VWF: variants seen among roughly 807,000 people sequenced by gnomAD.
VWF encodes von Willebrand factor, also known as Factor VIII related antigen.
VWF carries 176 observed loss-of-function variants against 308.6 expected under a neutral mutation model. The ratio of observed to expected loss-of-function variants is 0.57; its 90% CI spans 0.50 to 0.65. The LOEUF is 0.65. Ranked by LOEUF, VWF falls within the 30% of genes least tolerant of loss-of-function variation. The pLI is 0.00. For missense variants in VWF, 3,146 were observed against 3,648.2 expected, an observed-to-expected ratio of 0.86 and a Z score of 3.55; for synonymous variants, 1,385 against 1,443.4, an observed-to-expected ratio of 0.96 and a Z score of 0.92.
intron 16 of VWF, among the ~76,000 whole-genome samples, chr12:6,048,931 A>T (rs1944477519): frequency 6.6e-6 from 1 of 152,186 alleles, no homozygotes; most frequent in South Asian, 2.1e-4. Flanking sequence ...CGCCCCCGTA[A>T]ATGTCATGTT....
At chr12:5,998,488 AAAAAAAAAAAATATATATATATATAT>A (rs1476001701) in intron 34 of VWF, among the ~76,000 whole-genome samples, 1 of 47,098 alleles carries the variant, frequency 2.1e-5, no homozygotes, top group East Asian at 1.0e-3. Context: ...AAAAAAAAAA[AAAAAAAAAAAATATATATATATATAT>A]ATATATATAT....
At chr12:6,092,626 T>TGA (rs1242670462) in intron 6 of VWF, among the ~76,000 whole-genome samples, 35 of 83,528 alleles carry the variant, frequency 4.2e-4, no homozygotes, top group Non-Finnish European at 6.9e-4. Flanking sequence ...AGAGTGTGTG[T>TGA]GTGTGTGTGT....
At chr12:6,001,332 T>C (rs904095374) in intron 34 of VWF, among the ~76,000 whole-genome samples, 1 of 152,136 alleles carries the variant, frequency 6.6e-6, no homozygotes, top group Non-Finnish European at 1.5e-5. Context: ...ACTTGTCTAC[T>C]AAAACAAAAA....
At chr12:6,086,099 A>C (rs1944969027) in intron 6 of VWF, among the ~76,000 whole-genome samples, 1 of 152,138 alleles carries the variant, frequency 6.6e-6, no homozygotes, top group Non-Finnish European at 1.5e-5. Flanking sequence ...GTGCCTATCC[A>C]TGGGGGGTTC....
intron 42 of VWF, among the ~76,000 whole-genome samples, chr12:5,980,479 A>G (rs1335402099): frequency 6.6e-6 from 1 of 152,220 alleles, no homozygotes; most frequent in African/African-American, 2.4e-5. Flanking sequence ...GACATTCTAC[A>G]GGACAAATGA....
chr12:6,106,529 C>T (rs1591921866), intron 5 of VWF, among the ~76,000 whole-genome samples: 1 of 152,104 alleles, frequency 6.6e-6, no homozygotes, highest in Non-Finnish European at 1.5e-5. Context: ...GGTTGTACAA[C>T]TACATGAATG....
chr12:6,020,111 C>T lies in VWF; in HGVS notation c.3675-368G>A, dbSNP rs538233649. Among the ~76,000 whole-genome samples the T allele has an allele frequency of 2.0e-5, 3 of 152,332 alleles. No individual in the cohort carries two copies. The highest frequency in any genetic ancestry group is 4.8e-5 in the African/African-American group (2 of 41,574). ...CATGAATACTTAATTATAATCCAAG[C>T]CTTCTTACAAGTGTCTCCAAGAACA... On this transcript the variant is annotated intron_variant, in intron 27 of 51. Transcript: ENST00000261405. This position sits in a 1 kb window ranked among gnomAD's most constrained non-coding sequence, Gnocchi z 4.3.
At chr12:5,974,438 A>G (rs1943510547) in intron 43 of VWF, among the ~76,000 whole-genome samples, 1 of 151,982 alleles carries the variant, frequency 6.6e-6, no homozygotes, top group African/African-American at 2.4e-5. Context: ...TTCTTTTTGA[A>G]ACTTCCCCCA....
rs569743117 is a variant in VWF at position 5,970,856 on chromosome 12, G to T, written c.7548+743C>A. On this transcript the variant is annotated intron_variant, in intron 44 of 51. Transcript: ENST00000261405. ...CCAGCTCCCAAGGCTGCCAGGACTTGGCACCACCCACCTTATCCTTCTGAC... is the reference window on the plus strand; with the variant it reads ...CCAGCTCCCAAGGCTGCCAGGACTTTGCACCACCCACCTTATCCTTCTGAC... Among the ~76,000 whole-genome samples, 137 of 152,360 alleles carry T rather than the reference G, an allele frequency of 9.0e-4. 3 individuals carry two copies. In the South Asian group the frequency reaches 0.025, roughly 28 times the overall value.
At chr12:6,027,414 T>C (rs216314) in intron 22 of VWF, among the ~76,000 whole-genome samples, 139,840 of 152,198 alleles carry the variant, frequency 0.92, 64,383 homozygotes, top group African/African-American at 0.96. Flanking sequence ...GTAACATTCC[T>C]GCTAGGATAT....
chr12:6,041,001 C>T (rs1311086710), intron 18 of VWF, among the ~76,000 whole-genome samples: 2 of 151,998 alleles, frequency 1.3e-5, no homozygotes, highest in East Asian at 3.8e-4. Flanking sequence ...CCTGTGAGGA[C>T]GCAAGCACAG....
At chr12:6,092,622 T>TGTGTGA (rs1555073733) in intron 6 of VWF, among the ~76,000 whole-genome samples, 2 of 91,492 alleles carry the variant, frequency 2.2e-5, no homozygotes, top group African/African-American at 5.3e-5. Flanking sequence ...AGTGAGAGTG[T>TGTGTGA]GTGTGTGTGT....
chr12:6,028,295 C>A (rs1944217988), intron 22 of VWF, among the ~76,000 whole-genome samples: 2 of 152,134 alleles, frequency 1.3e-5, no homozygotes, highest in African/African-American at 4.8e-5. Flanking sequence ...TAAGGAAACA[C>A]CCTAGAATAG....
In VWF at chr12:6,024,916, G is replaced by A. The variant is rs1250423893; in HGVS notation, c.3222+664C>T. ...CAGGTGCCTGTAATCCCAGGTACTCGGGAGGTTGAGGCAGGAGAATCGCTT... is the reference window on the plus strand; with the variant it reads ...CAGGTGCCTGTAATCCCAGGTACTCAGGAGGTTGAGGCAGGAGAATCGCTT... On this transcript the variant is annotated intron_variant, in intron 24 of 51. Coordinates refer to ENST00000261405, the MANE Select transcript of VWF (RefSeq NM_000552.5). The surrounding 1 kb of genome is among the most constrained non-coding windows in gnomAD (Gnocchi z 4.0). Among the ~76,000 whole-genome samples the A allele has an allele frequency of 5.3e-5, 8 of 151,978 alleles. No individual in the cohort carries two copies. Among genetic ancestry groups the A allele is most frequent in the East Asian group, 1.9e-4 (1 of 5,190 alleles).
intron 42 of VWF, among the ~76,000 whole-genome samples, chr12:5,980,652 C>T (rs995134656): frequency 3.3e-5 from 5 of 152,192 alleles, no homozygotes; most frequent in African/African-American, 1.2e-4. Flanking sequence ...GCAACTGTAG[C>T]CTCCTAGACT....
intron 34 of VWF, among the ~76,000 whole-genome samples, chr12:5,998,501 A>ATATATATATATG (rs1471195442): frequency 1.0e-3 from 24 of 24,066 alleles, no homozygotes; most frequent in African/African-American, 3.7e-3. Context: ...AAAAAAAAAT[A>ATATATATATATG]TATATATATA....
intron 6 of VWF, among the ~76,000 whole-genome samples, chr12:6,078,375 G>C (rs528603415): frequency 6.6e-6 from 1 of 152,300 alleles, no homozygotes; most frequent in African/African-American, 2.4e-5. Context: ...CATCCTCACT[G>C]CCAAGTTGGG....
intron 34 of VWF, among the ~76,000 whole-genome samples, chr12:5,996,775 G>T (rs1291259056): frequency 1.3e-5 from 2 of 149,918 alleles, no homozygotes; most frequent in Non-Finnish European, 3.0e-5. Flanking sequence ...AAAAAAAATG[G>T]TTGAGTCTCA....
At chr12:6,109,308 CAT>C (rs776043967) in intron 5 of VWF, among the ~76,000 whole-genome samples, 2 of 150,032 alleles carry the variant, frequency 1.3e-5, no homozygotes, top group Non-Finnish European at 2.9e-5. Context: ...TATATACACA[CAT>C]ATACAGTATA....
Sources: gnomAD v4.1 joint callset for allele counts (sites outside exome capture counted in the v4.1 genomes callset) on GRCh38, gnomAD v4.1.1 for gene constraint, Gnocchi (gnomAD v3.1) non-coding constraint, MANE v1.5 for transcripts, NCBI Gene and HGNC (gene_info 2026-07-23, HGNC 2026-07-21) for gene names.